THSD7B: variants seen among roughly 807,000 people sequenced by gnomAD.
THSD7B encodes thrombospondin type 1 domain containing 7B.
Under a neutral mutation model 213.6 loss-of-function variants are expected in THSD7B, and 138 were observed. The ratio of observed to expected loss-of-function variants is 0.65; its 90% CI spans 0.56 to 0.74. THSD7B has a LOEUF of 0.74. Among genes scored for constraint, THSD7B ranks in the 30% least tolerant of loss-of-function variants. The pLI, the probability that THSD7B is intolerant of heterozygous loss-of-function variation, is 0.00. For missense variants in THSD7B, 1,931 were observed against 1,991.5 expected (o/e 0.97, Z 0.58); for synonymous variants, 742 against 687.0 (o/e 1.08, Z -1.25).
intron 17 of THSD7B, among the ~76,000 whole-genome samples, chr2:137,610,899 T>C (rs1245048674): frequency 6.6e-6 from 1 of 151,552 alleles, no homozygotes; most frequent in Non-Finnish European, 1.5e-5. Flanking sequence ...AGAAATATTC[T>C]AGAGAGAAAA....
chr2:136,965,031 G>C (rs1319799655), intron 2 of THSD7B, among the ~76,000 whole-genome samples: 1 of 147,366 alleles, frequency 6.8e-6, no homozygotes, highest in South Asian at 2.1e-4. Flanking sequence ...AAAAAAAAAG[G>C]GTTGTTTATA....
intron 2 of THSD7B, among the ~76,000 whole-genome samples, chr2:136,984,937 G>A: frequency 6.6e-6 from 1 of 152,302 alleles, no homozygotes; most frequent in South Asian, 2.1e-4. Context: ...TAGCTGCCTT[G>A]TGTTTGTGCC....
At chr2:137,477,123 A>G (rs1447299137) in intron 15 of THSD7B, among the ~76,000 whole-genome samples, 1 of 152,210 alleles carries the variant, frequency 6.6e-6, no homozygotes, top group East Asian at 1.9e-4. Context: ...TGACATATCC[A>G]GCTATTATTG....
At chr2:137,261,407 C>G (rs1558976997) in intron 10 of THSD7B, among the ~76,000 whole-genome samples, 1 of 152,138 alleles carries the variant, frequency 6.6e-6, no homozygotes, top group South Asian at 2.1e-4. Flanking sequence ...AGATGCCAAA[C>G]CCTGAACTAA....
chr2:137,360,226 A>G (rs1168071691), intron 12 of THSD7B, among the ~76,000 whole-genome samples: 1 of 152,190 alleles, frequency 6.6e-6, no homozygotes, highest in East Asian at 1.9e-4. Flanking sequence ...AGAGGTTTAG[A>G]ATTTTAAGCT....
intron 5 of THSD7B, among the ~76,000 whole-genome samples, chr2:137,147,111 G>T (rs1416861388): frequency 2.0e-5 from 3 of 152,166 alleles, no homozygotes; most frequent in Non-Finnish European, 4.4e-5. Flanking sequence ...TTGGGTCTAT[G>T]TTAGGTTCTG....
chr2:137,466,254 T>G lies in THSD7B; in HGVS notation c.3138+15231T>G, dbSNP rs1032291072. On this transcript the variant is annotated intron_variant, in intron 15 of 27. Transcript: ENST00000409968. ...ACTTTAACTCAGTGTACTTGTGCTA[T>G]TATTCATTCGTTCTTTCATTTATTC... Among the ~76,000 whole-genome samples, 6 of 152,262 alleles carry G rather than the reference T, an allele frequency of 3.9e-5. No individual in the cohort carries two copies. The East Asian group carries it at 9.6e-4, about 24-fold the overall frequency.
intron 1 of THSD7B, among the ~76,000 whole-genome samples, chr2:136,843,448 G>A (rs1682950092): frequency 6.6e-6 from 1 of 152,048 alleles, no homozygotes; most frequent in South Asian, 2.1e-4. Context: ...ACATGCATAG[G>A]GAAGCCATTA....
intron 13 of THSD7B, among the ~76,000 whole-genome samples, chr2:137,408,943 T>G (rs1686588990): frequency 1.3e-5 from 2 of 152,146 alleles, no homozygotes; most frequent in Non-Finnish European, 2.9e-5. Context: ...GGAGTAAACA[T>G]ACAAAGGCCA....
chr2:137,434,646 C>T (rs928442015), intron 14 of THSD7B, among the ~76,000 whole-genome samples: 1 of 152,194 alleles, frequency 6.6e-6, no homozygotes, highest in African/African-American at 2.4e-5. Flanking sequence ...AACTGCAGAA[C>T]AGATTTCCCA....
intron 12 of THSD7B, among the ~76,000 whole-genome samples, chr2:137,333,044 G>A (rs1000656342): frequency 6.6e-6 from 1 of 151,904 alleles, no homozygotes; most frequent in Non-Finnish European, 1.5e-5. Context: ...ATCCGAGAAC[G>A]AAGGAAACCA....
intron 2 of THSD7B, among the ~76,000 whole-genome samples, chr2:136,998,452 T>G (rs1208521548): frequency 6.6e-6 from 1 of 152,104 alleles, no homozygotes; most frequent in African/African-American, 2.4e-5. Flanking sequence ...GGCTGCTGCT[T>G]TGCTCCTTAT....
intron 2 of THSD7B, among the ~76,000 whole-genome samples, chr2:137,043,143 G>T (rs538161445): frequency 6.6e-6 from 1 of 152,326 alleles, no homozygotes; most frequent in Admixed American, 6.5e-5. Context: ...GATTATTATA[G>T]TGGGTATTCC....
At chr2:137,266,144 C>T (rs552223657) in intron 10 of THSD7B, among the ~76,000 whole-genome samples, 26 of 152,194 alleles carry the variant, frequency 1.7e-4, no homozygotes, top group African/African-American at 5.8e-4. Flanking sequence ...TCTTTCTTTT[C>T]TTTCTTGAAC....
At chr2:136,891,355 A>G (rs567740499) in intron 2 of THSD7B, among the ~76,000 whole-genome samples, 131 of 152,314 alleles carry the variant, frequency 8.6e-4, no homozygotes, top group African/African-American at 3.0e-3. Context: ...TTCCATGTAC[A>G]TGACTCAGCT....
At chr2:137,091,367 A>G (rs895430873) in intron 3 of THSD7B, among the ~76,000 whole-genome samples, 1 of 152,200 alleles carries the variant, frequency 6.6e-6, no homozygotes, top group Admixed American at 6.5e-5. Flanking sequence ...AATGAAATCA[A>G]TCTTGGAAAT....
At chr2:136,965,563 C>T (rs1235677400) in intron 2 of THSD7B, among the ~76,000 whole-genome samples, 3 of 152,120 alleles carry the variant, frequency 2.0e-5, no homozygotes, top group South Asian at 2.1e-4. Flanking sequence ...TTAATGAAAC[C>T]GCTTTCCTGA....
intron 2 of THSD7B, among the ~76,000 whole-genome samples, chr2:136,992,425 G>C (rs1685803393): frequency 6.6e-6 from 1 of 152,166 alleles, no homozygotes; most frequent in African/African-American, 2.4e-5. Flanking sequence ...TCTTATTGTG[G>C]GTTCTCCCAG....
intron 12 of THSD7B, among the ~76,000 whole-genome samples, chr2:137,351,080 T>C (rs1685003164): frequency 6.6e-6 from 1 of 151,804 alleles, no homozygotes; most frequent in Admixed American, 6.6e-5. Flanking sequence ...CACATCACCA[T>C]TGATAATTGA....
Sources: allele counts gnomAD v4.1 joint callset (sites outside exome capture counted in the v4.1 genomes callset), GRCh38; gene constraint gnomAD v4.1.1; transcripts MANE v1.5; gene names NCBI Gene and HGNC (gene_info 2026-07-23, HGNC 2026-07-21).